The following LIN54 variants were observed in gnomAD, a reference collection of about 807,000 sequenced individuals.
The protein encoded by LIN54 is protein lin-54 homolog.
In LIN54, 9 loss-of-function variants were observed where a neutral mutation model predicts 78.7. The observed-to-expected ratio is 0.11, with a 90% confidence interval of 0.07 to 0.20. LIN54 has a LOEUF of 0.20. Ranked by LOEUF, LIN54 falls within the 10% of genes least tolerant of loss-of-function variation. LIN54 has a pLI of 1.00. For synonymous variants in LIN54, 269 were observed against 318.4 expected, an observed-to-expected ratio of 0.84 and a Z score of 1.65; for missense variants, 573 against 889.9, an observed-to-expected ratio of 0.64 and a Z score of 4.53.
chr4:82,980,108 A>G (rs1726511126), intron 2 of LIN54, among the ~76,000 whole-genome samples: 1 of 152,034 alleles, frequency 6.6e-6, no homozygotes, highest in South Asian at 2.1e-4. Flanking sequence ...TTCATCTCCA[A>G]TTTGAAGTTA....
At chr4:82,988,864 A>G (rs1203869913) in intron 1 of LIN54, among the ~76,000 whole-genome samples, 1 of 152,100 alleles carries the variant, frequency 6.6e-6, no homozygotes, top group Non-Finnish European at 1.5e-5. Flanking sequence ...TTCCTTTGAC[A>G]AGTTCCTGTT....
In LIN54 at chr4:82,939,961, T is replaced by C; in HGVS notation, c.1170A>G (p.Ala390=). ...GGGTTGTATTAACAACCACTGGCTT[T>C]GCTTTTTAAAAAACAAAAGAAGGAT... is the stretch of plus-strand genomic sequence containing the variant. ...PSTNTQPLQQ[A]KPVVVNTTPV... is the part of the protein sequence containing the mutation. Residue 390 remains alanine (A), a splice_region_variant and synonymous_variant, in exon 6 of 13, where the codon GCA becomes GCG. Coordinates refer to ENST00000340417, the MANE Select transcript of LIN54 (RefSeq NM_194282.4). 2 of 1,594,232 alleles carry C rather than the reference T, an allele frequency of 1.3e-6. No individual in the cohort carries two copies.
In LIN54 at chr4:82,927,488, TTA is replaced by T. The variant is rs887950647; in HGVS notation, c.*612_*613del. On this transcript the variant is annotated 3_prime_UTR_variant, in exon 13 of 13. Coordinates refer to ENST00000340417, the MANE Select transcript of LIN54 (RefSeq NM_194282.4). ...CTGAGATTTACTGTCCTTTAATATT[TTA>T]TATGTTTTTTTAAATAACTTTAAAA... 4 of 152,214 alleles carry T rather than the reference TTA, an allele frequency of 2.6e-5. No homozygotes were observed. The highest frequency in any genetic ancestry group is 7.2e-5 in the African/African-American group (3 of 41,460). 9.4% of individuals were successfully genotyped at this position (152,214 alleles called of 1,614,324 possible).
At chr4:82,971,470 A>G (rs1386131103) in intron 3 of LIN54, among the ~76,000 whole-genome samples, 1 of 152,146 alleles carries the variant, frequency 6.6e-6, no homozygotes. Context: ...TATGAAGAGA[A>G]GATACCTTTT....
chr4:82,981,424 T>C (rs565502360), intron 2 of LIN54, among the ~76,000 whole-genome samples: 1 of 152,166 alleles, frequency 6.6e-6, no homozygotes, highest in African/African-American at 2.4e-5. Context: ...TTGCCTGCTA[T>C]CTATACCCTA....
intron 4 of LIN54, among the ~76,000 whole-genome samples, chr4:82,963,944 A>G (rs966836176): frequency 2.0e-5 from 3 of 152,180 alleles, no homozygotes; most frequent in Non-Finnish European, 4.4e-5. Flanking sequence ...ATTAATTCTA[A>G]TAGTTCCATA....
At chr4:83,002,465 A>C (rs1410493021) in intron 1 of LIN54, among the ~76,000 whole-genome samples, 1 of 129,766 alleles carries the variant, frequency 7.7e-6, no homozygotes, top group Non-Finnish European at 1.6e-5. Flanking sequence ...AGGAGGAAGG[A>C]GGGAGGAGGG....
intron 1 of LIN54, among the ~76,000 whole-genome samples, chr4:82,989,071 C>A (rs772622793): frequency 6.6e-5 from 10 of 151,716 alleles, no homozygotes; most frequent in Non-Finnish European, 1.0e-4. Context: ...GCCTGTAGTC[C>A]CAGCTACTCA....
intron 4 of LIN54, among the ~76,000 whole-genome samples, chr4:82,966,542 C>A (rs559736676): frequency 9.3e-5 from 14 of 151,336 alleles, no homozygotes; most frequent in East Asian, 3.9e-4. Flanking sequence ...GGAAAAAAAA[C>A]CAACAAAAAA....
At chr4:82,990,736 GCCT>G (rs1727619670) in intron 1 of LIN54, among the ~76,000 whole-genome samples, 1 of 152,082 alleles carries the variant, frequency 6.6e-6, no homozygotes, top group Admixed American at 6.6e-5. Flanking sequence ...GCCCGCCTCC[GCCT>G]CCCAAAGTGC....
At chr4:82,980,305 A>G (rs1726526044) in intron 2 of LIN54, among the ~76,000 whole-genome samples, 1 of 152,184 alleles carries the variant, frequency 6.6e-6, no homozygotes, top group Admixed American at 6.5e-5. Context: ...AATATTAATT[A>G]TATCTTTTGG....
intron 4 of LIN54, among the ~76,000 whole-genome samples, chr4:82,947,235 A>ATTTTT (rs34511957): frequency 0.02 from 897 of 44,278 alleles, 71 homozygotes; most frequent in South Asian, 0.039. Context: ...ATATATATAT[A>ATTTTT]TTTTTTTTTT....
At chr4:82,948,536 C>G (rs1723593255) in intron 4 of LIN54, among the ~76,000 whole-genome samples, 1 of 152,062 alleles carries the variant, frequency 6.6e-6, no homozygotes, top group Non-Finnish European at 1.5e-5. Context: ...GCATAGTTGT[C>G]CATTTTGTTT....
intron 4 of LIN54, among the ~76,000 whole-genome samples, chr4:82,954,133 A>C (rs1724084237): frequency 6.6e-6 from 1 of 152,200 alleles, no homozygotes; most frequent in Admixed American, 6.5e-5. Context: ...TCCAAGTGTG[A>C]CTCAAAAACT....
Position 82,978,540 on chromosome 4 carries a change from T to G in LIN54, c.808+343A>C, listed in dbSNP as rs1004482673. Among the ~76,000 whole-genome samples the G allele has an allele frequency of 5.3e-5, 8 of 152,196 alleles. 1 individual carries two copies. Among genetic ancestry groups the G allele is most frequent in the African/African-American group, 1.9e-4 (8 of 41,460 alleles). ...GCAAAACGGGAATGTTATTAGTACC[T>G]ACCTCATAGGATTGCTGGGGAATGA... On this transcript the variant is annotated intron_variant, in intron 3 of 12. Coordinates refer to ENST00000340417, the MANE Select transcript of LIN54 (RefSeq NM_194282.4).
intron 12 of LIN54, among the ~76,000 whole-genome samples, chr4:82,930,707 T>C (rs1434212903): frequency 1.3e-5 from 2 of 152,202 alleles, no homozygotes; most frequent in Non-Finnish European, 2.9e-5. Flanking sequence ...CTCATCTTAG[T>C]AGACAGAAAT....
intron 4 of LIN54, among the ~76,000 whole-genome samples, chr4:82,952,156 T>A (rs1560738200): frequency 6.6e-6 from 1 of 152,138 alleles, no homozygotes; most frequent in South Asian, 2.1e-4. Flanking sequence ...ATTTTGTGCA[T>A]CAGAAAACAC....
chr4:82,995,485 A>ATTTTTTTT (rs1553958258), intron 1 of LIN54, among the ~76,000 whole-genome samples: 1 of 95,046 alleles, frequency 1.1e-5, no homozygotes. Flanking sequence ...ACACATCCTT[A>ATTTTTTTT]TCTCTTTTTT....
chr4:82,998,371 C>T (rs2015255), intron 1 of LIN54, among the ~76,000 whole-genome samples: 119,221 of 151,878 alleles, frequency 0.78, 46,948 homozygotes, highest in Admixed American at 0.82. Context: ...AGTGAAACCC[C>T]GTCTCTACTA....
Sources: allele counts gnomAD v4.1 joint callset (sites outside exome capture counted in the v4.1 genomes callset), GRCh38; gene constraint gnomAD v4.1.1; transcripts MANE v1.5; gene names NCBI Gene and HGNC (gene_info 2026-07-23, HGNC 2026-07-21).